Variants in RFWD3 observed in about 807,000 individuals in gnomAD.
The protein encoded by RFWD3 is ring finger and WD repeat domain 3.
Under a neutral mutation model 87.7 loss-of-function variants are expected in RFWD3, and 65 were observed. The ratio of observed to expected loss-of-function variants is 0.74; its 90% CI spans 0.61 to 0.91. RFWD3 has a LOEUF of 0.91. Among genes scored for constraint, RFWD3 ranks in the 40% least tolerant of loss-of-function variants. The probability of loss-of-function intolerance (pLI) is 0.00; values close to 1 mark genes in which losing one functional copy is unlikely to be tolerated. For synonymous variants in RFWD3, 433 were observed against 352.8 expected (o/e 1.23, Z -2.55); for missense variants, 1,078 against 938.5 (o/e 1.15, Z -1.94).
rs570328718 is a variant in RFWD3 at position 74,646,416 on chromosome 16, AT to A, written c.793-1682del. On this transcript the variant is annotated intron_variant, in intron 4 of 12. Transcript: ENST00000361070. ...AGCATGATTTATATAAAGAAAAAAA[AT>A]ATTATTACCCTCCCAAGTAGTTGAG... is the stretch of plus-strand genomic sequence containing the variant. 5.0e-4 allele frequency among the ~76,000 whole-genome samples: 76 copies of A among 152,312 alleles called. No homozygotes were observed. In the East Asian group the frequency reaches 0.013, roughly 26 times the overall value.
chr16:74,650,672 T>C (rs1487824106), intron 3 of RFWD3, among the ~76,000 whole-genome samples: 1 of 152,054 alleles, frequency 6.6e-6, no homozygotes. Flanking sequence ...GAAATTTTTC[T>C]ATTAAAAAAA....
chr16:74,633,339 GAGA>G (rs1409118963), intron 8 of RFWD3, among the ~76,000 whole-genome samples: 2 of 143,976 alleles, frequency 1.4e-5, no homozygotes, highest in Non-Finnish European at 3.0e-5. Flanking sequence ...TGACAATGAA[GAGA>G]AGAAGAAAAA....
intron 4 of RFWD3, among the ~76,000 whole-genome samples, chr16:74,647,449 G>T (rs574849626): frequency 6.6e-6 from 1 of 151,894 alleles, no homozygotes; most frequent in African/African-American, 2.4e-5. Flanking sequence ...CACCATATCC[G>T]GCTAATTTTT....
At chr16:74,648,664 C>T (rs1200930704) in intron 4 of RFWD3, among the ~76,000 whole-genome samples, 4 of 151,324 alleles carry the variant, frequency 2.6e-5, no homozygotes, top group Non-Finnish European at 4.4e-5. Flanking sequence ...CCCAGCTGCT[C>T]GGGAGGCTGA....
chr16:74,632,478 A>ATGCT (rs768764466), intron 9 of RFWD3, 45 bp downstream of exon 9: 1 of 1,601,862 alleles, frequency 6.2e-7, no homozygotes, highest in Non-Finnish European at 8.5e-7. Context: ...CATGCTACTC[A>ATGCT]ACACCAAAGA....
chr16:74,630,145 G>T (rs1272923316), intron 10 of RFWD3, among the ~76,000 whole-genome samples: 4 of 152,096 alleles, frequency 2.6e-5, no homozygotes, highest in Non-Finnish European at 2.9e-5. Context: ...GCCCAGACTG[G>T]AGTGCAACGG....
At position 74,652,120 on chromosome 16, in the gene RFWD3, A is replaced by C. The variant is rs1567582747; in HGVS notation, c.521T>G (p.Leu174Trp). The change falls in exon 3 of 13, where the codon TTG (leucine) becomes TGG (tryptophan). Residue 174 changes from leucine (L) to tryptophan (W), a missense_variant and splice_region_variant. Physicochemically the swap from Leu to Trp is moderately conservative, Grantham distance 61. Coordinates refer to ENST00000361070, the MANE Select transcript of RFWD3 (RefSeq NM_018124.4). ...GGSQRTDSARLRAPLDAYFQV... is the reference protein window; with the variant it reads ...GGSQRTDSARWRAPLDAYFQV... ...AAAGTAAGCATCCAATGGTGCTCTC[A>C]ACCTATGTACACAGAAAGACAACGG... The C allele has an allele frequency of 1.2e-6, 2 of 1,613,660 alleles. No individual in the cohort carries two copies. The highest frequency in any genetic ancestry group is 1.7e-6 in the Non-Finnish European group (2 of 1,179,682).
At chr16:74,664,474 G>C (rs1187618852) in intron 1 of RFWD3, 6 of 152,226 alleles carry the variant, frequency 3.9e-5, no homozygotes, top group African/African-American at 1.4e-4. Context: ...AATTCGGCCA[G>C]GAGCTGTGGC....
intron 6 of RFWD3, among the ~76,000 whole-genome samples, chr16:74,641,740 C>G (rs376769438): frequency 1.3e-5 from 2 of 151,536 alleles, no homozygotes; most frequent in African/African-American, 4.8e-5. Flanking sequence ...CTGGCCAACA[C>G]GGTGAAACCC....
At chr16:74,651,781 C>G in intron 3 of RFWD3, 139 bp downstream of exon 3, 1 of 744,884 alleles carries the variant, frequency 1.3e-6, no homozygotes, top group South Asian at 1.7e-5. Context: ...AGTGAAGGCT[C>G]TATACTATAA....
At chr16:74,633,990 A>C (rs1181823638) in intron 8 of RFWD3, among the ~76,000 whole-genome samples, 1 of 152,098 alleles carries the variant, frequency 6.6e-6, no homozygotes, top group Non-Finnish European at 1.5e-5. Flanking sequence ...CTGTCAAAAA[A>C]AAAAAAAATT....
chr16:74,655,869 G>A (rs1160619027), intron 2 of RFWD3, among the ~76,000 whole-genome samples: 1 of 152,180 alleles, frequency 6.6e-6, no homozygotes, highest in Non-Finnish European at 1.5e-5. Context: ...CTGGATAACA[G>A]CTTATCTGTT....
intron 8 of RFWD3, among the ~76,000 whole-genome samples, chr16:74,636,128 G>A (rs1046662569): frequency 6.6e-6 from 1 of 152,118 alleles, no homozygotes; most frequent in Admixed American, 6.6e-5. Context: ...CTTTATCATG[G>A]TTATCAGTAT....
chr16:74,653,378 G>C (rs961337064), intron 2 of RFWD3, among the ~76,000 whole-genome samples: 1 of 151,968 alleles, frequency 6.6e-6, no homozygotes, highest in African/African-American at 2.4e-5. Context: ...AAACTTGGGA[G>C]GCTGAGGCAG....
Position 74,661,144 on chromosome 16 carries a change from A to G in RFWD3, c.306T>C (p.His102=), listed in dbSNP as rs769865768. The change falls in exon 2 of 13, where the codon CAT becomes CAC. Residue 102 remains histidine, a synonymous_variant. Coordinates refer to ENST00000361070, the MANE Select transcript of RFWD3 (RefSeq NM_018124.4). ...ENINPRTSEQ[H]RQGSDGNHTI... is the part of the protein sequence containing the mutation. ...TGTGATTACCATCAGATCCCTGCCT[A>G]TGTTGTTCTGAAGTTCTTGGATTGA... is the stretch of plus-strand genomic sequence containing the variant. 1.9e-6 allele frequency: 3 copies of G among 1,614,164 alleles called. No individual in the cohort carries two copies. The highest frequency in any genetic ancestry group is 2.5e-6 in the Non-Finnish European group (3 of 1,180,030).
intron 1 of RFWD3, among the ~76,000 whole-genome samples, chr16:74,665,736 TTTTCTTTC>T (rs993010501): frequency 5.5e-5 from 8 of 145,854 alleles, no homozygotes; most frequent in Non-Finnish European, 1.0e-4. Context: ...ACAGGGAGAC[TTTTCTTTC>T]TTTCTTTCTT....
intron 7 of RFWD3, among the ~76,000 whole-genome samples, chr16:74,636,877 A>C (rs1016529854): frequency 6.6e-6 from 1 of 151,822 alleles, no homozygotes; most frequent in Non-Finnish European, 1.5e-5. Flanking sequence ...TGCCCGGCTA[A>C]TTTTTAAATA....
intron 8 of RFWD3, among the ~76,000 whole-genome samples, chr16:74,634,486 G>C (rs960227932): frequency 1.3e-5 from 2 of 152,070 alleles, no homozygotes; most frequent in African/African-American, 4.8e-5. Context: ...CTAGGCTCAA[G>C]CGATCCTCCC....
chr16:74,659,918 G>A (rs1456594180), intron 2 of RFWD3, among the ~76,000 whole-genome samples: 2 of 152,182 alleles, frequency 1.3e-5, no homozygotes, highest in Non-Finnish European at 2.9e-5. Flanking sequence ...CGGCATGGTT[G>A]CGTATGCCTG....
Sources: allele counts gnomAD v4.1 joint callset (sites outside exome capture counted in the v4.1 genomes callset), GRCh38; gene constraint gnomAD v4.1.1; transcripts MANE v1.5; gene names NCBI Gene and HGNC (gene_info 2026-07-23, HGNC 2026-07-21).